Variants in ZFAND3 observed in about 807,000 individuals in gnomAD.
ZFAND3 encodes AN1-type zinc finger protein 3.
Under a neutral mutation model 29.6 loss-of-function variants are expected in ZFAND3, and 10 were observed. The observed-to-expected ratio is 0.34, with a 90% CI of 0.21 to 0.57. ZFAND3 has a LOEUF of 0.57. ZFAND3 is among the 20% of genes least tolerant of loss of function. The probability of loss-of-function intolerance (pLI) is 0.86; values close to 1 mark genes in which losing one functional copy is unlikely to be tolerated. For missense variants in ZFAND3, 230 were observed against 304.5 expected (o/e 0.76, Z 1.82); for synonymous variants, 128 against 112.6 (o/e 1.14, Z -0.87).
At chr6:38,149,680 G>C (rs910261996) in intron 5 of ZFAND3, among the ~76,000 whole-genome samples, 4 of 152,130 alleles carry the variant, frequency 2.6e-5, no homozygotes, top group African/African-American at 9.7e-5. Context: ...CTGGCGGAAG[G>C]CAAGCTAAGC....
rs1384039359 is a variant in ZFAND3, at chr6:37,909,793, A to G, written c.72-20166A>G. Reference sequence around the variant, plus strand: ...CTTCCATTTCTTTTCCTGGGAAAAGAGAATACAGCATGTCAATAATATCAG... The same window carrying G: ...CTTCCATTTCTTTTCCTGGGAAAAGGGAATACAGCATGTCAATAATATCAG... On this transcript the variant is annotated intron_variant, in intron 1 of 5. Coordinates refer to ENST00000287218, the MANE Select transcript of ZFAND3 (RefSeq NM_021943.3). Among the ~76,000 whole-genome samples the G allele has an allele frequency of 2.6e-5, 4 of 152,226 alleles. No individual in the cohort carries two copies. In the East Asian group the frequency reaches 7.7e-4, roughly 29 times the overall value.
In ZFAND3 at chr6:37,838,413, CAGACAATTTCATCACTTTGTAATTCA is replaced by C. The variant is rs570177051; in HGVS notation, c.71+18415_71+18440del. 7.2e-3 allele frequency among the ~76,000 whole-genome samples: 1,091 copies of C among 152,240 alleles called. 8 individuals carry two copies. Among genetic ancestry groups the C allele is most frequent in the Non-Finnish European group, 0.011 (739 of 68,016 alleles). On this transcript the variant is annotated intron_variant, in intron 1 of 5. Transcript: ENST00000287218. The stretch of plus-strand genomic sequence containing the variant: ...GCAACCATCACTACTGTCTTAATTC[CAGACAATTTCATCACTTTGTAATTCA>C]AGACAATTTCATCACTTCATAAAGA...
At chr6:38,090,011 A>G (rs11754816) in intron 4 of ZFAND3, among the ~76,000 whole-genome samples, 11,186 of 151,996 alleles carry the variant, frequency 0.074, 492 homozygotes, top group Non-Finnish European at 0.096. Context: ...GTGCCACCAC[A>G]CCTGGCTAAT....
At chr6:38,141,729 A>C (rs1765960566) in intron 5 of ZFAND3, among the ~76,000 whole-genome samples, 1 of 152,224 alleles carries the variant, frequency 6.6e-6, no homozygotes, top group Admixed American at 6.5e-5. Context: ...GGGAGGTAAA[A>C]GCAAGTGGGG....
At chr6:37,888,758 GA>G (rs1334027687) in intron 1 of ZFAND3, among the ~76,000 whole-genome samples, 8 of 152,186 alleles carry the variant, frequency 5.3e-5, no homozygotes, top group African/African-American at 1.9e-4. Context: ...TGAGACCTTG[GA>G]CTTTTTGGCT....
In ZFAND3 at chr6:37,993,397, G is replaced by A. The variant is rs1032308026; in HGVS notation, c.112+63398G>A. On this transcript the variant is annotated intron_variant, in intron 2 of 5. Coordinates refer to ENST00000287218, the MANE Select transcript of ZFAND3 (RefSeq NM_021943.3). ...GCTGGAGCGCAGTGGCGTGATCTCA[G>A]CTCACTGCAACCTCCACCTCCTGGG... Among the ~76,000 whole-genome samples, 4 of 151,690 alleles carry A rather than the reference G, an allele frequency of 2.6e-5. No individual in the cohort carries two copies. In the East Asian group the frequency reaches 8.4e-4, roughly 32 times the overall value.
intron 4 of ZFAND3, among the ~76,000 whole-genome samples, chr6:38,112,286 T>A (rs191386345): frequency 6.6e-6 from 1 of 151,726 alleles, no homozygotes; most frequent in Admixed American, 6.5e-5. Flanking sequence ...AGTAAAAGCA[T>A]ACTGGAAAAA....
intron 2 of ZFAND3, among the ~76,000 whole-genome samples, chr6:38,052,827 G>A (rs1764052325): frequency 1.3e-5 from 2 of 151,954 alleles, no homozygotes; most frequent in South Asian, 4.1e-4. Flanking sequence ...GAGATCATTT[G>A]AGATCAGGAG....
At chr6:38,039,227 G>A (rs1054815671) in intron 2 of ZFAND3, among the ~76,000 whole-genome samples, 1 of 152,108 alleles carries the variant, frequency 6.6e-6, no homozygotes, top group Non-Finnish European at 1.5e-5. Context: ...CTTACTAAAG[G>A]ACAATCTTAA....
chr6:37,892,131 A>G (rs1471518447), intron 1 of ZFAND3, among the ~76,000 whole-genome samples: 1 of 152,248 alleles, frequency 6.6e-6, no homozygotes, highest in Non-Finnish European at 1.5e-5. Context: ...TGGAAATAAT[A>G]CAAATCATTT....
At chr6:38,127,272 T>C (rs1406723190) in intron 5 of ZFAND3, among the ~76,000 whole-genome samples, 1 of 152,220 alleles carries the variant, frequency 6.6e-6, no homozygotes, top group Non-Finnish European at 1.5e-5. Context: ...TAGGAAAACA[T>C]GGGAAATGTT....
At chr6:37,878,382 C>T (rs980835430) in intron 1 of ZFAND3, among the ~76,000 whole-genome samples, 4 of 152,180 alleles carry the variant, frequency 2.6e-5, no homozygotes, top group Non-Finnish European at 2.9e-5. Context: ...AGGCCTTGAA[C>T]GCCCTGCTGA....
intron 2 of ZFAND3, among the ~76,000 whole-genome samples, chr6:38,014,713 TTGAC>T (rs1307262871): frequency 1.3e-5 from 2 of 152,212 alleles, no homozygotes; most frequent in African/African-American, 4.8e-5. Context: ...ATGTTGCTGT[TTGAC>T]TGAAATCCTC....
intron 5 of ZFAND3, among the ~76,000 whole-genome samples, chr6:38,125,264 T>G (rs894750251): frequency 6.6e-6 from 1 of 152,222 alleles, no homozygotes; most frequent in African/African-American, 2.4e-5. Flanking sequence ...CCAGATAGAT[T>G]AGTCCCTCTG....
intron 2 of ZFAND3, among the ~76,000 whole-genome samples, chr6:38,024,206 C>T (rs973491986): frequency 1.3e-5 from 2 of 152,076 alleles, no homozygotes; most frequent in African/African-American, 4.8e-5. Flanking sequence ...GGTGTGGGGG[C>T]TCACGTCTGT....
chr6:37,822,990 G>C (rs964111874), intron 1 of ZFAND3, among the ~76,000 whole-genome samples: 28 of 152,148 alleles, frequency 1.8e-4, no homozygotes, highest in African/African-American at 6.8e-4. Flanking sequence ...GTAATGCTGA[G>C]GACTTTGGAC....
At chr6:37,897,478 C>CT (rs1765240309) in intron 1 of ZFAND3, among the ~76,000 whole-genome samples, 1 of 152,126 alleles carries the variant, frequency 6.6e-6, no homozygotes, top group Non-Finnish European at 1.5e-5. Flanking sequence ...GTGAATGTTG[C>CT]TTTATATGTC....
chr6:37,926,807 C>A (rs918033092), intron 1 of ZFAND3, among the ~76,000 whole-genome samples: 1 of 152,112 alleles, frequency 6.6e-6, no homozygotes, highest in African/African-American at 2.4e-5. Context: ...CAAGACCATG[C>A]AAGTTGATTA....
rs1554157842 is a variant in ZFAND3 at position 37,914,672 on chromosome 6, C to CTTTTTTCTTTTTT, written c.72-15281_72-15280insCTTTTTTTTTTTT. On this transcript the variant is annotated intron_variant, in intron 1 of 5. Transcript: ENST00000287218. The stretch of plus-strand genomic sequence containing the variant: ...TTTCTTTCTTTCTTTCTTTTTTTTT[C>CTTTTTTCTTTTTT]TTTTTTTTTTAGTGGAGACGGGGTT... Among the ~76,000 whole-genome samples, 32 of 114,228 alleles carry CTTTTTTCTTTTTT rather than the reference C, an allele frequency of 2.8e-4. 3 individuals carry two copies. The highest frequency in any genetic ancestry group is 1.9e-3 in the East Asian group (8 of 4,210). 74.9% of individuals were successfully genotyped at this position (114,228 alleles called of 152,430 possible). A position where few individuals can be genotyped will look rare whatever the true frequency, so the allele number is the denominator to read the frequency against.
Sources: gnomAD v4.1 joint callset for allele counts (sites outside exome capture counted in the v4.1 genomes callset) on GRCh38, gnomAD v4.1.1 for gene constraint, MANE v1.5 for transcripts, NCBI Gene and HGNC (gene_info 2026-07-23, HGNC 2026-07-21) for gene names.